The following VPS13D variants were observed in gnomAD, a reference collection of about 807,000 sequenced individuals.
VPS13D encodes the protein vacuolar protein sorting 13 homolog D.
A neutral mutation model predicts 461.9 loss-of-function variants in VPS13D; 187 were observed. The ratio of observed to expected loss-of-function variants is 0.40; its 90% confidence interval spans 0.36 to 0.46. The LOEUF is 0.46. Among genes scored for constraint, VPS13D ranks in the 20% least tolerant of loss-of-function variants. The probability of loss-of-function intolerance (pLI) is 0.60; values close to 1 mark genes in which losing one functional copy is unlikely to be tolerated. For missense variants in VPS13D, 4,711 were observed against 5,364.9 expected, an observed-to-expected ratio of 0.88 and a Z score of 3.81; for synonymous variants, 1,951 against 1,986.3, an observed-to-expected ratio of 0.98 and a Z score of 0.47.
At position 12,370,482 on chromosome 1, in the gene VPS13D, A is replaced by AT. The variant is rs139816843; in HGVS notation, c.10808+781dup. Reference sequence around the variant, plus strand: ...ATGTTCGGAACATTTTTGCATATGAATAAGATTTTTATACATGCCTGGGGC... The same window carrying AT: ...ATGTTCGGAACATTTTTGCATATGAATTAAGATTTTTATACATGCCTGGGGC... On this transcript the variant is annotated intron_variant, in intron 54 of 69. Transcript: ENST00000620676. 5.1e-4 allele frequency among the ~76,000 whole-genome samples: 78 copies of AT among 152,346 alleles called. 1 individual carries two copies. The East Asian group carries it at 0.014, about 27-fold the overall frequency.
intron 3 of VPS13D, among the ~76,000 whole-genome samples, chr1:12,243,229 A>G (rs1385638168): frequency 1.3e-5 from 2 of 151,988 alleles, no homozygotes; most frequent in Non-Finnish European, 2.9e-5. Flanking sequence ...TGCTGGGATT[A>G]CGGGCGTGAG....
chr1:12,275,509 T>G, intron 18 of VPS13D, among the ~76,000 whole-genome samples: 1 of 152,092 alleles, frequency 6.6e-6, no homozygotes, highest in East Asian at 1.9e-4. Flanking sequence ...AAAGGGTTGG[T>G]GAAAGCAGCT....
At chr1:12,408,023 T>TA (rs1189106315) in intron 63 of VPS13D, among the ~76,000 whole-genome samples, 3 of 152,174 alleles carry the variant, frequency 2.0e-5, no homozygotes, top group African/African-American at 7.2e-5. Flanking sequence ...TTTATGACTC[T>TA]AAGCAAAGCA....
intron 40 of VPS13D, among the ~76,000 whole-genome samples, chr1:12,340,506 C>G (rs546388887): frequency 1.3e-5 from 2 of 152,182 alleles, no homozygotes; most frequent in African/African-American, 2.4e-5. Flanking sequence ...AAGGCAGTGA[C>G]AATTACCGAC....
rs1165777866 is a variant in VPS13D at position 12,386,206 on chromosome 1, G to C, written c.11506G>C (p.Gly3836Arg). ...TCAGGTGCTTGTGAGGTTAGAAGGT[G>C]GAATTGGGTTGTCCTTAATTAATAA... Reference protein sequence around the residue: ...ELEVLVRLEGGIGLSLINKVP... With the variant: ...ELEVLVRLEGRIGLSLINKVP... The change falls in exon 60 of 70, where the codon GGA (glycine) becomes CGA (arginine). Residue 3836 changes from glycine to arginine, a missense_variant. Coordinates refer to ENST00000620676, the MANE Select transcript of VPS13D (RefSeq NM_015378.4). 1.2e-6 allele frequency: 2 copies of C among 1,611,932 alleles called. No individual in the cohort carries two copies. The highest frequency in any genetic ancestry group is 2.7e-5 in the African/African-American group (2 of 74,822).
chr1:12,291,342 G>A (rs1569823487), intron 23 of VPS13D, among the ~76,000 whole-genome samples: 1 of 152,166 alleles, frequency 6.6e-6, no homozygotes, highest in African/African-American at 2.4e-5. Flanking sequence ...AACAGATGGG[G>A]TATGAGTTAG....
At chr1:12,498,665 T>G (rs941415636) in intron 68 of VPS13D, among the ~76,000 whole-genome samples, 2 of 152,154 alleles carry the variant, frequency 1.3e-5, no homozygotes, top group Non-Finnish European at 2.9e-5. Flanking sequence ...CTGGGCAGCT[T>G]AAGCAACAGA....
intron 31 of VPS13D, 85 bp downstream of exon 31, chr1:12,318,422 C>A: frequency 6.7e-7 from 1 of 1,503,696 alleles, no homozygotes; most frequent in South Asian, 1.3e-5. Context: ...GCTCTTTTGC[C>A]TCCCATTTTT....
intron 24 of VPS13D, among the ~76,000 whole-genome samples, chr1:12,294,536 G>C (rs977681194): frequency 5.9e-5 from 9 of 152,192 alleles, no homozygotes; most frequent in African/African-American, 2.2e-4. Context: ...CCTGGCAGCC[G>C]GGTGTGGTGG....
intron 50 of VPS13D, 33 bp downstream of exon 50, chr1:12,358,634 A>G: frequency 6.2e-7 from 1 of 1,611,012 alleles, no homozygotes; most frequent in Non-Finnish European, 8.5e-7. Flanking sequence ...GGACAATCAG[A>G]ACCATTGGCC....
At chr1:12,472,410 G>A (rs1345933056) in intron 67 of VPS13D, among the ~76,000 whole-genome samples, 2 of 152,142 alleles carry the variant, frequency 1.3e-5, no homozygotes, top group African/African-American at 2.4e-5. Flanking sequence ...CAATCTTCCT[G>A]TTTTCACCTC....
intron 65 of VPS13D, among the ~76,000 whole-genome samples, chr1:12,440,428 GT>G (rs1645115651): frequency 6.6e-6 from 1 of 152,166 alleles, no homozygotes; most frequent in Non-Finnish European, 1.5e-5. Flanking sequence ...CTTTTTTAAG[GT>G]TGTGTAGATT....
chr1:12,291,053 A>G lies in VPS13D; in HGVS notation c.5781A>G (p.Thr1927=). ...SIGSLSLSDL[T]CHGEFYRERF... ...GGAGTCTGTCTCTAAGTGACCTCAC[A>G]TGCCATGGAGAGTTCTACAGAGAAC... The change falls in exon 23 of 70, where the codon ACA becomes ACG. Residue 1927 remains threonine (T), a synonymous_variant. Transcript: ENST00000620676. 6.2e-7 allele frequency: 1 copy of G among 1,614,144 alleles called. No homozygotes were observed. The highest frequency in any genetic ancestry group is 1.6e-4 in the Middle Eastern group (1 of 6,062).
At chr1:12,436,946 G>C (rs960247086) in intron 65 of VPS13D, among the ~76,000 whole-genome samples, 1 of 152,208 alleles carries the variant, frequency 6.6e-6, no homozygotes, top group Non-Finnish European at 1.5e-5. Flanking sequence ...GGGATTACAC[G>C]CGTGAGCCAC....
intron 65 of VPS13D, among the ~76,000 whole-genome samples, chr1:12,451,324 T>C (rs1419284503): frequency 6.6e-6 from 1 of 152,220 alleles, no homozygotes; most frequent in Non-Finnish European, 1.5e-5. Flanking sequence ...GAAGTACTTC[T>C]GAGATTTTTA....
At chr1:12,293,054 T>A (rs1642179600) in intron 23 of VPS13D, among the ~76,000 whole-genome samples, 1 of 152,236 alleles carries the variant, frequency 6.6e-6, no homozygotes, top group South Asian at 2.1e-4. Context: ...GACTATAGAT[T>A]CCAGAACTCT....
chr1:12,445,879 C>T (rs1461871868), intron 65 of VPS13D, among the ~76,000 whole-genome samples: 4 of 152,156 alleles, frequency 2.6e-5, no homozygotes, highest in Admixed American at 6.5e-5. Context: ...TCTTTGTTCT[C>T]CCAGATGCTA....
intron 63 of VPS13D, among the ~76,000 whole-genome samples, chr1:12,405,962 C>G (rs980008557): frequency 6.6e-6 from 1 of 152,220 alleles, no homozygotes; most frequent in South Asian, 2.1e-4. Context: ...GCTCCAGCCC[C>G]CCCCAGTTAC....
At chr1:12,498,941 T>C (rs1163437169) in intron 68 of VPS13D, among the ~76,000 whole-genome samples, 1 of 152,164 alleles carries the variant, frequency 6.6e-6, no homozygotes, top group Non-Finnish European at 1.5e-5. Flanking sequence ...CTTCCACATA[T>C]GAATTGGCGG....
Sources: gnomAD v4.1 joint callset for allele counts (sites outside exome capture counted in the v4.1 genomes callset) on GRCh38, gnomAD v4.1.1 for gene constraint, MANE v1.5 for transcripts, NCBI Gene and HGNC (gene_info 2026-07-23, HGNC 2026-07-21) for gene names.